Variants in XCR1 observed in about 807,000 individuals in gnomAD.
XCR1 encodes X-C motif chemokine receptor 1.
For synonymous variants in XCR1, 187 were observed against 188.5 expected, an observed-to-expected ratio of 0.99 and a Z score of 0.06; for missense variants, 356 against 424.2, an observed-to-expected ratio of 0.84 and a Z score of 1.41.
In XCR1 at chr3:46,021,907, T is replaced by TA. The variant is rs1158688440; in HGVS notation, c.40dup (p.Tyr14LeufsTer3). 1.9e-6 allele frequency: 3 copies of TA among 1,613,242 alleles called. No homozygotes were observed. Among genetic ancestry groups the TA allele is most frequent in the African/African-American group, 1.3e-5 (1 of 74,832 alleles). ...ACACGGCTGGCTCTGAAGGTCATAG[T>TA]AAAAAAAGGTGGTGCTCTCTGGGTT... On this transcript the variant is annotated frameshift_variant, in exon 2 of 2. Coordinates refer to ENST00000309285, the MANE Select transcript of XCR1 (RefSeq NM_001024644.2). LOFTEE classifies it low-confidence loss of function (END_TRUNC). The surrounding 1 kb of genome is among the most constrained non-coding windows in gnomAD (Gnocchi z 4.7).
At chr3:46,055,636 T>C (rs1697837022) in intron 4 of XCR1, among the ~76,000 whole-genome samples, 1 of 152,224 alleles carries the variant, frequency 6.6e-6, no homozygotes, top group South Asian at 2.1e-4. Flanking sequence ...CTTTCTCTGC[T>C]GCAACCCGGT....
At chr3:46,061,495 A>G (rs1174258974) in intron 4 of XCR1, among the ~76,000 whole-genome samples, 1 of 152,190 alleles carries the variant, frequency 6.6e-6, no homozygotes, top group Non-Finnish European at 1.5e-5. Context: ...TTGATTATTA[A>G]AAATTTCCTC....
rs1364806084 is a variant in XCR1 at position 46,034,383 on chromosome 3, G to A, written c.-31-12405C>T. On this transcript the variant is annotated intron_variant, in intron 5 of 5. Transcript: ENST00000683768. ...TGCATTCTTTGAGATTTTATACTGT[G>A]AGAACCATGTCATCTGCAAAGATAT... Among the ~76,000 whole-genome samples, 4 of 152,070 alleles carry A rather than the reference G, an allele frequency of 2.6e-5. No homozygotes were observed. In the East Asian group the frequency reaches 7.7e-4, roughly 29 times the overall value.
rs1371993769 is a variant in XCR1, at chr3:46,019,586, C to T, written c.*1360G>A. 6.6e-6 allele frequency: 1 copy of T among 152,180 alleles called. No individual in the cohort carries two copies. The highest frequency in any genetic ancestry group is 2.4e-5 in the African/African-American group (1 of 41,412). The allele number at this position is 152,180 out of a possible 1,614,324, so 9.4% of individuals were successfully genotyped here. On this transcript the variant is annotated 3_prime_UTR_variant, in exon 2 of 2. Transcript: ENST00000309285. ...GCCCAGGTGACAGCATGACAAATGC[C>T]TAGAGGTAGGGTACTGGGGAGATAT...
At chr3:46,023,745 G>A in intron 1 of XCR1, 5 of 1,546,690 alleles carry the variant, frequency 3.2e-6, no homozygotes, top group Non-Finnish European at 4.5e-6. Flanking sequence ...AAAAGAGTGA[G>A]ACAGCAGAGC....
chr3:46,060,455 A>G (rs981673657), intron 4 of XCR1, among the ~76,000 whole-genome samples: 1 of 152,168 alleles, frequency 6.6e-6, no homozygotes, highest in African/African-American at 2.4e-5. Flanking sequence ...CCCTTTGGTA[A>G]TCAGGATCAA....
At chr3:46,054,550 G>GGT (rs977713848) in intron 4 of XCR1, among the ~76,000 whole-genome samples, 1 of 151,820 alleles carries the variant, frequency 6.6e-6, no homozygotes, top group African/African-American at 2.4e-5. Context: ...AAAGGACGAG[G>GGT]GGGGGGCGAG....
At chr3:46,066,918 C>G (rs1698088034) in exon 4 of XCR1, among the ~76,000 whole-genome samples, 1 of 152,150 alleles carries the variant, frequency 6.6e-6, no homozygotes, top group African/African-American at 2.4e-5. Flanking sequence ...GGTGGGTCCT[C>G]AATAGCTGAT....
In XCR1 at chr3:46,019,759, G is replaced by C. The variant is rs1223566953; in HGVS notation, c.*1187C>G. ...TTGCTAAAGTGTATGGACTTCATTT[G>C]TAAGTAATGAGGAGCCACTAAGGGT... is the stretch of plus-strand genomic sequence containing the variant. On this transcript the variant is annotated 3_prime_UTR_variant, in exon 2 of 2. Coordinates refer to ENST00000309285, the MANE Select transcript of XCR1 (RefSeq NM_001024644.2). 1 of 152,252 alleles carries C rather than the reference G, an allele frequency of 6.6e-6. No individual in the cohort carries two copies. The highest frequency in any genetic ancestry group is 1.5e-5 in the Non-Finnish European group (1 of 68,084). The allele number at this position is 152,252 out of a possible 1,614,324, so 9.4% of individuals were successfully genotyped here.
At chr3:46,072,724 A>G (rs13069742) in intron 3 of XCR1, among the ~76,000 whole-genome samples, 32,322 of 152,132 alleles carry the variant, frequency 0.21, 5,168 homozygotes, top group African/African-American at 0.44. Flanking sequence ...TGCAATTCCT[A>G]TCATTAGAAA....
chr3:46,054,366 C>T (rs1189859768), intron 4 of XCR1, among the ~76,000 whole-genome samples: 2 of 152,080 alleles, frequency 1.3e-5, no homozygotes, highest in East Asian at 1.9e-4. Context: ...TGGGAGCAGT[C>T]GTGAGTTTGC....
intron 1 of XCR1, among the ~76,000 whole-genome samples, chr3:46,079,644 G>A (rs1193270578): frequency 6.6e-6 from 1 of 151,902 alleles, no homozygotes; most frequent in Non-Finnish European, 1.5e-5. Context: ...ACCCCATTTT[G>A]GCAGCCCCTT....
chr3:46,084,642 C>G (rs1375033958), intron 1 of XCR1, among the ~76,000 whole-genome samples: 3 of 152,214 alleles, frequency 2.0e-5, no homozygotes, highest in Non-Finnish European at 2.9e-5. Flanking sequence ...TAAAAATCCA[C>G]TTGTACAGAT....
At chr3:46,069,768 T>G (rs990238812) in intron 3 of XCR1, among the ~76,000 whole-genome samples, 5 of 152,168 alleles carry the variant, frequency 3.3e-5, no homozygotes, top group African/African-American at 1.2e-4. Flanking sequence ...CTATTGATAA[T>G]TTGTATTGTT....
intron 1 of XCR1, among the ~76,000 whole-genome samples, chr3:46,022,970 A>G (rs1161465470): frequency 4.6e-5 from 7 of 152,236 alleles, no homozygotes; most frequent in African/African-American, 7.2e-5. Context: ...TATATTCATA[A>G]TGAATGGAGA....
In XCR1 at chr3:46,035,518, T is replaced by G. The variant is rs1697410378; in HGVS notation, c.-31-13540A>C. Among the ~76,000 whole-genome samples, 3 of 152,288 alleles carry G rather than the reference T, an allele frequency of 2.0e-5. No individual in the cohort carries two copies. The South Asian group carries it at 6.2e-4, about 32-fold the overall frequency. On this transcript the variant is annotated intron_variant, in intron 5 of 5. Coordinates refer to the XCR1 transcript ENST00000683768. Reference sequence around the variant, plus strand: ...ACGTGTTGCCACAGTTGCTCATTGCTCAGCTGCCATGGGCCAGGAGTCTCA... The same window carrying G: ...ACGTGTTGCCACAGTTGCTCATTGCGCAGCTGCCATGGGCCAGGAGTCTCA...
At chr3:46,052,062 C>T (rs1697757627) in intron 5 of XCR1, among the ~76,000 whole-genome samples, 1 of 151,666 alleles carries the variant, frequency 6.6e-6, no homozygotes, top group South Asian at 2.1e-4. Context: ...TGAATTTCTC[C>T]TTCATAACCA....
intron 1 of XCR1, among the ~76,000 whole-genome samples, chr3:46,026,833 T>C (rs7623190): frequency 0.44 from 66,474 of 151,458 alleles, 16,740 homozygotes; most frequent in African/African-American, 0.7. Context: ...CCACCTGCCT[T>C]GGCCTCCCAA....
At chr3:46,024,989 T>C (rs959046313) in intron 1 of XCR1, among the ~76,000 whole-genome samples, 1 of 151,818 alleles carries the variant, frequency 6.6e-6, no homozygotes, top group African/African-American at 2.4e-5. Flanking sequence ...TTTGCATTGA[T>C]AATAATGAAA....
Sources: gnomAD v4.1 joint callset for allele counts (sites outside exome capture counted in the v4.1 genomes callset) on GRCh38, gnomAD v4.1.1 for gene constraint, Gnocchi (gnomAD v3.1) non-coding constraint, MANE v1.5 for transcripts, NCBI Gene and HGNC (gene_info 2026-07-23, HGNC 2026-07-21) for gene names.